Variants in C8orf34 observed in about 807,000 individuals in gnomAD.
C8orf34 encodes chromosome 8 open reading frame 34, also known as uncharacterized protein C8orf34.
Under a neutral mutation model 68.3 loss-of-function variants are expected in C8orf34, and 65 were observed. The ratio of observed to expected loss-of-function variants is 0.95; its 90% CI spans 0.78 to 1.17. The LOEUF (loss-of-function observed/expected upper bound fraction) is 1.17, where lower values mean the gene tolerates loss of function less well. Among genes scored for constraint, C8orf34 ranks in the 50% most tolerant of loss-of-function variants. The probability of loss-of-function intolerance (pLI) is 0.00; values close to 1 mark genes in which losing one functional copy is unlikely to be tolerated. For synonymous variants in C8orf34, 244 were observed against 241.2 expected (o/e 1.01, Z -0.11); for missense variants, 664 against 655.4 (o/e 1.01, Z -0.14).
At chr8:68,571,988 A>G (rs1563537299) in intron 7 of C8orf34, among the ~76,000 whole-genome samples, 1 of 152,180 alleles carries the variant, frequency 6.6e-6, no homozygotes, top group South Asian at 2.1e-4. Flanking sequence ...GTTACAGTCT[A>G]CTACTGTGTA....
intron 11 of C8orf34, among the ~76,000 whole-genome samples, chr8:68,783,037 A>G (rs1563667034): frequency 3.3e-5 from 5 of 150,036 alleles, no homozygotes; most frequent in African/African-American, 1.2e-4. Flanking sequence ...GTGTCACTGC[A>G]CTCCAGTCTG....
At chr8:68,592,978 A>G (rs1277373466) in intron 7 of C8orf34, among the ~76,000 whole-genome samples, 1 of 151,944 alleles carries the variant, frequency 6.6e-6, no homozygotes, top group Non-Finnish European at 1.5e-5. Flanking sequence ...TCTTGCTCCT[A>G]GTCACAAAGG....
chr8:68,429,534 G>C (rs1810366326), intron 1 of C8orf34, among the ~76,000 whole-genome samples: 1 of 152,228 alleles, frequency 6.6e-6, no homozygotes, highest in African/African-American at 2.4e-5. Flanking sequence ...CTAGGGATAA[G>C]TCCAACAGAA....
intron 11 of C8orf34, among the ~76,000 whole-genome samples, chr8:68,780,890 T>A (rs1315925404): frequency 6.6e-6 from 1 of 152,320 alleles, no homozygotes; most frequent in Non-Finnish European, 1.5e-5. Context: ...TTAACGGAAG[T>A]GATTTTTAAC....
intron 1 of C8orf34, among the ~76,000 whole-genome samples, chr8:68,403,440 T>G (rs544996558): frequency 6.6e-6 from 1 of 152,250 alleles, no homozygotes; most frequent in Non-Finnish European, 1.5e-5. Flanking sequence ...AACGTGCAGG[T>G]TTGTTACATA....
chr8:68,754,995 G>A (rs1822814220), intron 10 of C8orf34, among the ~76,000 whole-genome samples: 1 of 152,068 alleles, frequency 6.6e-6, no homozygotes, highest in Admixed American at 6.6e-5. Flanking sequence ...AGCCTTGTAG[G>A]AAATTTCTGG....
At chr8:68,715,941 T>G (rs1821459593) in intron 9 of C8orf34, among the ~76,000 whole-genome samples, 1 of 152,078 alleles carries the variant, frequency 6.6e-6, no homozygotes, top group African/African-American at 2.4e-5. Context: ...CATGAGTAGA[T>G]AAAGAAAATA....
intron 10 of C8orf34, among the ~76,000 whole-genome samples, chr8:68,751,942 C>A (rs567781907): frequency 6.6e-6 from 1 of 151,182 alleles, no homozygotes; most frequent in East Asian, 1.9e-4. Flanking sequence ...ATATACATAC[C>A]CACAGTGCAT....
At chr8:68,661,834 T>C (rs1342213004) in intron 8 of C8orf34, among the ~76,000 whole-genome samples, 1 of 152,132 alleles carries the variant, frequency 6.6e-6, no homozygotes, top group East Asian at 1.9e-4. Flanking sequence ...TAAAGCAAGC[T>C]GGCTAATTCC....
chr8:68,779,159 A>G (rs1823603063), intron 11 of C8orf34, among the ~76,000 whole-genome samples: 1 of 150,392 alleles, frequency 6.6e-6, no homozygotes, highest in South Asian at 2.1e-4. Flanking sequence ...CCTGCGTGAC[A>G]GTATAAGATC....
In C8orf34 at chr8:68,789,789, T is replaced by C. The variant is rs1823941824; in HGVS notation, c.1549+2253T>C. Among the ~76,000 whole-genome samples, 3 of 152,192 alleles carry C rather than the reference T, an allele frequency of 2.0e-5. No individual in the cohort carries two copies. In the South Asian group the frequency reaches 6.2e-4, roughly 31 times the overall value. The stretch of plus-strand genomic sequence containing the variant: ...AAAAAATAAAACAAAATAACTATTA[T>C]AACTATGAATAACTGTTATAAAAGT... On this transcript the variant is annotated intron_variant, in intron 12 of 13. Coordinates refer to ENST00000518698, the MANE Select transcript of C8orf34 (RefSeq NM_052958.4).
At chr8:68,635,122 A>C (rs1019486435) in intron 7 of C8orf34, among the ~76,000 whole-genome samples, 2 of 152,184 alleles carry the variant, frequency 1.3e-5, no homozygotes, top group East Asian at 1.9e-4. Context: ...TGCACATGAA[A>C]GGAGAGTTCT....
intron 10 of C8orf34, among the ~76,000 whole-genome samples, chr8:68,764,803 C>G (rs1391336785): frequency 6.6e-6 from 1 of 152,128 alleles, no homozygotes; most frequent in Non-Finnish European, 1.5e-5. Flanking sequence ...CCGTCTTACT[C>G]CCTTGTCTCA....
chr8:68,684,376 A>C (rs1241082762), intron 8 of C8orf34, among the ~76,000 whole-genome samples: 3 of 152,186 alleles, frequency 2.0e-5, no homozygotes, highest in Admixed American at 6.6e-5. Context: ...ACAGGCATAA[A>C]GTATTAGGAT....
At chr8:68,694,761 G>T (rs541880411) in intron 8 of C8orf34, among the ~76,000 whole-genome samples, 4 of 151,984 alleles carry the variant, frequency 2.6e-5, no homozygotes, top group African/African-American at 9.6e-5. Context: ...GATCTCCCTG[G>T]TTCACTTTTT....
At chr8:68,476,552 A>T (rs1812625654) in intron 4 of C8orf34, among the ~76,000 whole-genome samples, 1 of 152,216 alleles carries the variant, frequency 6.6e-6, no homozygotes, top group African/African-American at 2.4e-5. Context: ...TTTGCAAACC[A>T]GTAAGAGATA....
chr8:68,544,780 A>T (rs960483708), intron 7 of C8orf34, among the ~76,000 whole-genome samples: 4 of 152,168 alleles, frequency 2.6e-5, no homozygotes, highest in African/African-American at 7.2e-5. Flanking sequence ...TGTAAGATTG[A>T]TAGCTTATCA....
chr8:68,394,747 T>G (rs1376008850), intron 1 of C8orf34, among the ~76,000 whole-genome samples: 2 of 152,116 alleles, frequency 1.3e-5, no homozygotes, highest in Non-Finnish European at 2.9e-5. Context: ...GTACTAAAAA[T>G]AGTGACATTT....
intron 1 of C8orf34, among the ~76,000 whole-genome samples, chr8:68,416,186 A>G (rs1002187159): frequency 6.6e-6 from 1 of 152,194 alleles, no homozygotes; most frequent in Non-Finnish European, 1.5e-5. Flanking sequence ...TAATCTTTAA[A>G]CAACTCCCAG....
Sources: gnomAD v4.1 joint callset for allele counts (sites outside exome capture counted in the v4.1 genomes callset) on GRCh38, gnomAD v4.1.1 for gene constraint, MANE v1.5 for transcripts, NCBI Gene and HGNC (gene_info 2026-07-23, HGNC 2026-07-21) for gene names.